C2orf92: variants seen among roughly 807,000 people sequenced by gnomAD.
The protein encoded by C2orf92 is chromosome 2 open reading frame 92, also known as uncharacterized protein C2orf92.
rs75967659 is a variant in C2orf92 at position 97,700,028 on chromosome 2, G to A, written c.514+892G>A. Among the ~76,000 whole-genome samples the A allele has an allele frequency of 3.4e-3, 520 of 152,288 alleles. 2 individuals carry two copies. Among genetic ancestry groups the A allele is most frequent in the African/African-American group, 8.7e-3 (363 of 41,564 alleles). On this transcript the variant is annotated intron_variant, in intron 6 of 7. Transcript: ENST00000627399. ...GGCAGCTCTCCACACGAAACCAGCCGATACCTGGGATCATACCTCCATGCC... is the reference window on the plus strand; with the variant it reads ...GGCAGCTCTCCACACGAAACCAGCCAATACCTGGGATCATACCTCCATGCC...
chr2:97,665,725 CTCTCTCTCTCTCTATATATATA>C (rs1441062991), upstream of C2orf92: 159 of 45,148 alleles, frequency 3.5e-3, no homozygotes, highest in African/African-American at 0.011. Context: ...CTCTCTCTCT[CTCTCTCTCTCTCTATATATATA>C]TATATATATA....
chr2:97,669,560 G>A (rs988679288), upstream of C2orf92: 15 of 375,276 alleles, frequency 4.0e-5, no homozygotes, highest in Admixed American at 4.5e-5. Context: ...CCAGGGAGCC[G>A]AGGGAAGTGA....
chr2:97,677,233 G>A (rs2104548387), intron 3 of C2orf92, among the ~76,000 whole-genome samples: 1 of 152,236 alleles, frequency 6.6e-6, no homozygotes, highest in Admixed American at 6.5e-5. Context: ...AAAACTCAGG[G>A]CGCGTATTTT....
chr2:97,692,669 C>A (rs1676176972), intron 5 of C2orf92, among the ~76,000 whole-genome samples: 1 of 152,244 alleles, frequency 6.6e-6, no homozygotes. Context: ...CTTGGCCTCC[C>A]AAAGTGCTGG....
rs2104615382 is a variant in C2orf92, at chr2:97,702,873, G to A, written c.*72G>A. ...GGACATTCTCCATCTGCGCACCACA[G>A]GGAGGCAATTCCATTTCTGCCCGGG... On this transcript the variant is annotated 3_prime_UTR_variant, in exon 8 of 8. Transcript: ENST00000627399. 1 of 398,388 alleles carries A rather than the reference G, an allele frequency of 2.5e-6. No homozygotes were observed. The highest frequency in any genetic ancestry group is 2.1e-5 in the African/African-American group (1 of 48,744). The allele number at this position is 398,388 out of a possible 1,614,324, so 24.7% of individuals were successfully genotyped here.
intron 5 of C2orf92, among the ~76,000 whole-genome samples, chr2:97,690,738 C>G (rs968181960): frequency 1.3e-5 from 2 of 148,786 alleles, no homozygotes; most frequent in Non-Finnish European, 3.0e-5. Flanking sequence ...AGATGGTGCT[C>G]AGACTCTCTT....
intron 1 of C2orf92, chr2:97,670,513 A>G (rs1187814936): frequency 3.3e-5 from 5 of 151,922 alleles, no homozygotes; most frequent in Non-Finnish European, 7.4e-5. Flanking sequence ...ATTAGTAATA[A>G]CTTTATAGGA....
chr2:97,663,953 G>A, upstream of C2orf92: 3 of 898,800 alleles, frequency 3.3e-6, no homozygotes, highest in South Asian at 3.7e-5. Context: ...GGGCGGGCGG[G>A]CGGGAGGACC....
intron 1 of C2orf92, among the ~76,000 whole-genome samples, chr2:97,672,667 T>C (rs1675451963): frequency 6.6e-6 from 1 of 151,702 alleles, no homozygotes; most frequent in South Asian, 2.1e-4. Context: ...TCACACCAGG[T>C]GGGCCTTGGC....
chr2:97,690,079 C>T (rs985502690), intron 4 of C2orf92, among the ~76,000 whole-genome samples, 177 bp from the exon 5 acceptor site: 14 of 151,730 alleles, frequency 9.2e-5, no homozygotes, highest in East Asian at 1.9e-4. Flanking sequence ...TGCCGTGAGC[C>T]GAGATCTTGC....
chr2:97,681,010 G>A (rs1675753507), intron 3 of C2orf92, among the ~76,000 whole-genome samples: 2 of 150,324 alleles, frequency 1.3e-5, no homozygotes, highest in African/African-American at 4.9e-5. Flanking sequence ...GGGAGGTTGA[G>A]GCAGGAGAAT....
chr2:97,671,339 G>GT (rs374518667), intron 1 of C2orf92: 24 of 393,000 alleles, frequency 6.1e-5, no homozygotes, highest in African/African-American at 4.6e-4. Flanking sequence ...AGAGTCGGGG[G>GT]TCTCCCTATG....
chr2:97,699,904 C>A (rs957494876), intron 6 of C2orf92, among the ~76,000 whole-genome samples: 11 of 152,246 alleles, frequency 7.2e-5, no homozygotes, highest in Non-Finnish European at 1.5e-5. Flanking sequence ...CTTGGCATAG[C>A]ATAGCTGAAG....
At chr2:97,698,940 G>A (rs751560993) in intron 5 of C2orf92, 86 bp from the exon 6 acceptor site, 16 of 396,306 alleles carry the variant, frequency 4.0e-5, no homozygotes, top group Non-Finnish European at 6.2e-5. Flanking sequence ...CTCACTTTGA[G>A]TCTAGAAGAA....
At chr2:97,677,591 G>T (rs1451624522) in intron 3 of C2orf92, 1 of 152,146 alleles carries the variant, frequency 6.6e-6, no homozygotes, top group Admixed American at 6.5e-5. Context: ...TGAAAGAGAG[G>T]ATTAGATTTC....
chr2:97,682,691 A>G (rs1025076935), intron 3 of C2orf92, among the ~76,000 whole-genome samples: 1 of 152,202 alleles, frequency 6.6e-6, no homozygotes, highest in Non-Finnish European at 1.5e-5. Flanking sequence ...TACCACATTA[A>G]TATAATGAAG....
intron 3 of C2orf92, among the ~76,000 whole-genome samples, chr2:97,687,409 TACCACC>T (rs897502034): frequency 6.6e-6 from 1 of 152,024 alleles, no homozygotes; most frequent in Non-Finnish European, 1.5e-5. Flanking sequence ...AAGTGTATTT[TACCACC>T]ACCACCACCA....
At position 97,700,891 on chromosome 2, in the gene C2orf92, G is replaced by A. The variant is rs555891865; in HGVS notation, c.515-263G>A. Among the ~76,000 whole-genome samples, 900 of 152,158 alleles carry A rather than the reference G, an allele frequency of 5.9e-3. 9 individuals are homozygous for A. The highest frequency in any genetic ancestry group is 0.02 in the African/African-American group (847 of 41,534). ...ACTACAGGCGCCCGCCACCACGCCC[G>A]GCTAATTTTTTTTGTATTTTTAGTA... On this transcript the variant is annotated intron_variant, in intron 6 of 7. Coordinates refer to ENST00000627399, the MANE Select transcript of C2orf92 (RefSeq NM_001351368.2).
At chr2:97,674,605 T>C in intron 2 of C2orf92, 48 bp downstream of exon 2, 1 of 398,340 alleles carries the variant, frequency 2.5e-6, no homozygotes, top group Non-Finnish European at 4.4e-6. Context: ...TCTACAGACC[T>C]CTGTGTTATC....
Sources: gnomAD v4.1 joint callset for allele counts (sites outside exome capture counted in the v4.1 genomes callset) on GRCh38, gnomAD v4.1.1 for gene constraint, MANE v1.5 for transcripts, NCBI Gene and HGNC (gene_info 2026-07-23, HGNC 2026-07-21) for gene names.